Variants in OTUD3 observed in about 807,000 individuals in gnomAD.
OTUD3 encodes OTU deubiquitinase 3.
A neutral mutation model predicts 46.2 loss-of-function variants in OTUD3; 24 were observed. That is an observed-to-expected ratio of 0.52 (90% CI 0.38 to 0.73). The LOEUF (loss-of-function observed/expected upper bound fraction) is 0.73, where lower values mean the gene tolerates loss of function less well. Among genes scored for constraint, OTUD3 ranks in the 30% least tolerant of loss-of-function variants. The probability of loss-of-function intolerance (pLI) is 0.00; values close to 1 mark genes in which losing one functional copy is unlikely to be tolerated. For missense variants in OTUD3, 455 were observed against 523.3 expected, an observed-to-expected ratio of 0.87 and a Z score of 1.27; for synonymous variants, 189 against 195.4, an observed-to-expected ratio of 0.97 and a Z score of 0.27.
At chr1:19,894,565 T>G in intron 3 of OTUD3, 85 bp downstream of exon 3, 1 of 795,498 alleles carries the variant, frequency 1.3e-6, no homozygotes, top group Non-Finnish European at 2.0e-6. Flanking sequence ...GCTTGACCTG[T>G]GAACATTGAA....
intron 2 of OTUD3, among the ~76,000 whole-genome samples, chr1:19,892,351 G>A (rs1030722184): frequency 1.3e-5 from 2 of 152,202 alleles, no homozygotes; most frequent in Non-Finnish European, 2.9e-5. Flanking sequence ...TTTAATGTCA[G>A]TGTGCTGCCT....
intron 4 of OTUD3, among the ~76,000 whole-genome samples, chr1:19,898,737 A>G (rs1250796789): frequency 1.3e-5 from 2 of 152,162 alleles, no homozygotes; most frequent in African/African-American, 4.8e-5. Context: ...TCAAAAAAAA[A>G]AAAAAAATTA....
chr1:19,882,460 G>C lies in OTUD3; in HGVS notation c.-54G>C. The C allele has an allele frequency of 2.3e-6, 3 of 1,326,032 alleles. No homozygotes were observed. The highest frequency in any genetic ancestry group is 2.9e-6 in the Non-Finnish European group (3 of 1,043,276). The allele number at this position is 1,326,032 out of a possible 1,614,324, so 82.1% of individuals were successfully genotyped here. ...TACCTTCCCAACGCTTGAGGCGGAC[G>C]CTGGGGGGTCCTGCGCCTTTCCCTC... On this transcript the variant is annotated 5_prime_UTR_variant, in exon 1 of 8. Transcript: ENST00000375120.
intron 1 of OTUD3, among the ~76,000 whole-genome samples, chr1:19,885,541 C>T (rs993002577): frequency 5.9e-5 from 9 of 152,180 alleles, no homozygotes; most frequent in African/African-American, 2.2e-4. Context: ...GCAATCTCTG[C>T]CTCCTGGGTT....
At position 19,882,533 on chromosome 1, in the gene OTUD3, C is replaced by T. The variant is rs1229056894; in HGVS notation, c.20C>T (p.Ala7Val). 7.4e-7 allele frequency: 1 copy of T among 1,344,182 alleles called. No individual in the cohort carries two copies. Among genetic ancestry groups the T allele is most frequent in the East Asian group, 3.1e-5 (1 of 32,536 alleles). The allele number at this position is 1,344,182 out of a possible 1,614,324, so 83.3% of individuals were successfully genotyped here. A position where few individuals can be genotyped will look rare whatever the true frequency, so the allele number is the denominator to read the frequency against. The change falls in exon 1 of 8, where the codon GCG (alanine) becomes GTG (valine). Residue 7 changes from alanine (A) to valine (V), a missense_variant. By Grantham distance (64) the Ala-to-Val change is moderately conservative. Coordinates refer to ENST00000375120, the MANE Select transcript of OTUD3 (RefSeq NM_015207.2). ...AAGGCCATGTCCCGAAAGCAGGCGG[C>T]GAAGAGCCGGCCGGGCAGCGGCAGC... is the stretch of plus-strand genomic sequence containing the variant. MSRKQA[A>V]KSRPGSGSRK...
intron 1 of OTUD3, among the ~76,000 whole-genome samples, chr1:19,888,572 A>C (rs1425248068): frequency 6.6e-6 from 1 of 152,228 alleles, no homozygotes; most frequent in Non-Finnish European, 1.5e-5. Context: ...GCCTAGGGGT[A>C]ACTATGGCTA....
Position 19,906,412 on chromosome 1 carries a change from G to T in OTUD3, c.836-20G>T. The T allele has an allele frequency of 6.2e-7, 1 of 1,610,568 alleles. No homozygotes were observed. The highest frequency in any genetic ancestry group is 8.5e-7 in the Non-Finnish European group (1 of 1,177,942). On this transcript the variant is annotated intron_variant, in intron 6 of 7. Transcript: ENST00000375120. ...TAACTCTCAGGTTCTCAGTTTTAAT[G>T]AAATGTCTTTCTTTGGAAGATGCAG... is the stretch of plus-strand genomic sequence containing the variant.
At position 19,908,188 on chromosome 1, in the gene OTUD3, C is replaced by T. The variant is rs1296635639; in HGVS notation, c.*442C>T. On this transcript the variant is annotated 3_prime_UTR_variant, in exon 8 of 8. Transcript: ENST00000375120. The stretch of plus-strand genomic sequence containing the variant: ...GTTTCCTTAGTTTCTCTTTCATTCT[C>T]AAACAGATATATAGGGTAGCTTATA... The T allele has an allele frequency of 1.3e-5, 2 of 154,246 alleles. No individual in the cohort carries two copies. Among genetic ancestry groups the T allele is most frequent in the African/African-American group, 4.8e-5 (2 of 41,442 alleles). The allele number at this position is 154,246 out of a possible 1,614,324, so 9.6% of individuals were successfully genotyped here.
chr1:19,908,009 A>C lies in OTUD3; in HGVS notation c.*263A>C. The C allele has an allele frequency of 3.1e-6, 1 of 321,072 alleles. No individual in the cohort carries two copies. The highest frequency in any genetic ancestry group is 2.1e-5 in the African/African-American group (1 of 47,334). The allele number at this position is 321,072 out of a possible 1,614,324, so 19.9% of individuals were successfully genotyped here. On this transcript the variant is annotated 3_prime_UTR_variant, in exon 8 of 8. Transcript: ENST00000375120. ...AAAATACTGAGTTTTAGGGGCAGAT[A>C]GTTAGGTCAGGAAAAACCTTTTAAG...
At position 19,882,672 on chromosome 1, in the gene OTUD3, C is replaced by T; in HGVS notation, c.159C>T (p.Phe53=). The change falls in exon 1 of 8, where the codon TTC becomes TTT. Residue 53 remains phenylalanine (F), a synonymous_variant. Transcript: ENST00000375120. ...GCGGCGGCGGCTGCGAGGAGGAGTT[C>T]GTCAGCTTCGCCAACCAGCTGCAGG... The part of the protein sequence containing the change: ...SGGGGGCEEE[F]VSFANQLQAL... 6.9e-7 allele frequency: 1 copy of T among 1,457,586 alleles called. No individual in the cohort carries two copies. Among genetic ancestry groups the T allele is most frequent in the East Asian group, 3.0e-5 (1 of 33,064 alleles). 90.3% of individuals were successfully genotyped at this position (1,457,586 alleles called of 1,614,324 possible).
chr1:19,900,926 T>TG (rs1431166371), intron 4 of OTUD3, among the ~76,000 whole-genome samples: 9 of 147,462 alleles, frequency 6.1e-5, no homozygotes, highest in African/African-American at 1.2e-4. Context: ...GTTTTTTTTT[T>TG]TTTTTTTTTG....
rs1343505662 is a variant in OTUD3, at chr1:19,910,037, C to T, written c.*2291C>T. On this transcript the variant is annotated 3_prime_UTR_variant, in exon 8 of 8. Coordinates refer to ENST00000375120, the MANE Select transcript of OTUD3 (RefSeq NM_015207.2). The stretch of plus-strand genomic sequence containing the variant: ...TTCTAGCTAATGGTTTCAATTTAGA[C>T]TTCACTGCCTCAGTCTCACTGGGTA... 1.3e-5 allele frequency: 2 copies of T among 152,372 alleles called. No homozygotes were observed. The highest frequency in any genetic ancestry group is 3.7e-4 in the East Asian group (2 of 5,342). The allele number at this position is 152,372 out of a possible 1,614,324, so 9.4% of individuals were successfully genotyped here. A position where few individuals can be genotyped will look rare whatever the true frequency, so the allele number is the denominator to read the frequency against.
intron 4 of OTUD3, among the ~76,000 whole-genome samples, chr1:19,903,884 T>C (rs190666958): frequency 1.3e-5 from 2 of 152,328 alleles, no homozygotes; most frequent in East Asian, 3.9e-4. Flanking sequence ...CAGCACCGTT[T>C]TTGTGCAAAA....
rs192164698 is a variant in OTUD3, at chr1:19,907,834, C to T, written c.*88C>T. The T allele has an allele frequency of 1.6e-4, 202 of 1,259,386 alleles. No individual in the cohort carries two copies. The African/African-American group carries it at 2.0e-3, about 13-fold the overall frequency. 78.0% of individuals were successfully genotyped at this position (1,259,386 alleles called of 1,614,324 possible). On this transcript the variant is annotated 3_prime_UTR_variant, in exon 8 of 8. Coordinates refer to ENST00000375120, the MANE Select transcript of OTUD3 (RefSeq NM_015207.2). ...CCAGTGAGGCCGTCCTTTTATAAAA[C>T]GCAACACAACCAACGAAGCCCACAC...
chr1:19,885,870 A>C (rs2045352333), intron 1 of OTUD3, among the ~76,000 whole-genome samples: 1 of 152,262 alleles, frequency 6.6e-6, no homozygotes, highest in Non-Finnish European at 1.5e-5. Flanking sequence ...ATTTGATTAC[A>C]ATCTGGAGTA....
intron 1 of OTUD3, among the ~76,000 whole-genome samples, chr1:19,885,545 C>G (rs766961616): frequency 6.6e-6 from 1 of 152,174 alleles, no homozygotes; most frequent in Admixed American, 6.5e-5. Flanking sequence ...TCTCTGCCTC[C>G]TGGGTTCAAA....
At position 19,882,740 on chromosome 1, in the gene OTUD3, GC is replaced by G. The variant is rs2045288332; in HGVS notation, c.221+7del. The G allele has an allele frequency of 1.5e-6, 2 of 1,337,756 alleles. No homozygotes were observed. Among genetic ancestry groups the G allele is most frequent in the Non-Finnish European group, 1.9e-6 (2 of 1,045,370 alleles). 82.9% of individuals were successfully genotyped at this position (1,337,756 alleles called of 1,614,324 possible). A position where few individuals can be genotyped will look rare whatever the true frequency, so the allele number is the denominator to read the frequency against. ...CGGGAGGTGCCGGGGGACGGGTGAGGCGGGCCGGGAGCGAGGGAGGCGGCGC... is the reference window on the plus strand; with the variant it reads ...CGGGAGGTGCCGGGGGACGGGTGAGGGGGCCGGGAGCGAGGGAGGCGGCGC... On this transcript the variant is annotated splice_region_variant and intron_variant, in intron 1 of 7. Transcript: ENST00000375120.
intron 1 of OTUD3, among the ~76,000 whole-genome samples, chr1:19,885,758 G>T (rs2045350399): frequency 6.6e-6 from 1 of 152,180 alleles, no homozygotes; most frequent in Non-Finnish European, 1.5e-5. Context: ...CTGGACAACG[G>T]ATTCTTTTAT....
At chr1:19,897,888 A>G (rs1352500261) in intron 4 of OTUD3, 4 of 410,252 alleles carry the variant, frequency 9.8e-6, no homozygotes, top group African/African-American at 2.1e-5. Context: ...TTACAATTGT[A>G]TGTGTATAAG....
Sources: allele counts gnomAD v4.1 joint callset (sites outside exome capture counted in the v4.1 genomes callset), GRCh38; gene constraint gnomAD v4.1.1; transcripts MANE v1.5; gene names NCBI Gene and HGNC (gene_info 2026-07-23, HGNC 2026-07-21).